The following OSBPL10 variants were observed in gnomAD, a reference collection of about 807,000 sequenced individuals.
The protein encoded by OSBPL10 is oxysterol-binding protein-related protein 10.
A neutral mutation model predicts 81.7 loss-of-function variants in OSBPL10; 49 were observed. The ratio of observed to expected loss-of-function variants is 0.60; its 90% confidence interval spans 0.48 to 0.76. OSBPL10 has a LOEUF of 0.76. Among genes scored for constraint, OSBPL10 ranks in the 30% least tolerant of loss-of-function variants. The pLI is 0.00. For synonymous variants in OSBPL10, 419 were observed against 383.6 expected (o/e 1.09, Z -1.08); for missense variants, 923 against 987.8 (o/e 0.93, Z 0.88).
chr3:31,826,078 C>G (rs1700094793), intron 4 of OSBPL10, among the ~76,000 whole-genome samples: 1 of 152,112 alleles, frequency 6.6e-6, no homozygotes, highest in African/African-American at 2.4e-5. Flanking sequence ...ATAGCTTTAT[C>G]CAAATTAATT....
Position 32,048,955 on chromosome 3 carries a change from A to G in OSBPL10, n.186-2352T>C, listed in dbSNP as rs372455328. Among the ~76,000 whole-genome samples the G allele has an allele frequency of 4.6e-5, 7 of 152,330 alleles. 1 individual carries two copies. Among genetic ancestry groups the G allele is most frequent in the African/African-American group, 1.7e-4 (7 of 41,578 alleles). The stretch of plus-strand genomic sequence containing the variant: ...CATTATACACTAATTAGAAAACATT[A>G]GCATGCTAAAAGACACTCCTACCAG... On this transcript the variant is annotated intron_variant and non_coding_transcript_variant, in intron 1 of 3. Coordinates refer to the OSBPL10 transcript ENST00000479173.
intron 1 of OSBPL10, among the ~76,000 whole-genome samples, chr3:31,911,916 T>G (rs1187587030): frequency 6.6e-6 from 1 of 152,004 alleles, no homozygotes; most frequent in Non-Finnish European, 1.5e-5. Flanking sequence ...TGCTGGAAGG[T>G]CAGGCCCCAA....
In OSBPL10 at chr3:31,674,510, TG is replaced by T. The variant is rs148002753; in HGVS notation, c.1727-3528del. Among the ~76,000 whole-genome samples, 1,069 of 152,198 alleles carry T rather than the reference TG, an allele frequency of 7.0e-3. 13 individuals are homozygous for T. Among genetic ancestry groups the T allele is most frequent in the African/African-American group, 0.025 (1,023 of 41,510 alleles). On this transcript the variant is annotated intron_variant, in intron 8 of 11. Coordinates refer to ENST00000396556, the MANE Select transcript of OSBPL10 (RefSeq NM_017784.5). ...GGGAGGTCGAGGCTGCAGTGAGCCA[TG>T]GTCACGTCACTGCACTCCAGCCTGG... is the stretch of plus-strand genomic sequence containing the variant.
At chr3:31,702,620 C>T (rs41285085) in intron 6 of OSBPL10, 112 bp from the exon 7 acceptor site, 19,910 of 1,432,836 alleles carry the variant, frequency 0.014, 185 homozygotes, top group Non-Finnish European at 0.015. Context: ...CTGTCCCGGG[C>T]AGAGCTCCTC....
At chr3:31,941,172 A>G (rs2125424028) in intron 1 of OSBPL10, among the ~76,000 whole-genome samples, 1 of 152,332 alleles carries the variant, frequency 6.6e-6, no homozygotes, top group South Asian at 2.1e-4. Flanking sequence ...ATAACTTTGA[A>G]AGAATAAAAG....
chr3:31,831,714 G>GTACT (rs1700246193), intron 3 of OSBPL10, among the ~76,000 whole-genome samples: 1 of 152,070 alleles, frequency 6.6e-6, no homozygotes, highest in African/African-American at 2.4e-5. Flanking sequence ...CATCAGATTG[G>GTACT]CAAAAATTCA....
Position 31,999,739 on chromosome 3 carries a change from C to A in OSBPL10, n.298+46752G>T, listed in dbSNP as rs997553953. Among the ~76,000 whole-genome samples, 9 of 152,098 alleles carry A rather than the reference C, an allele frequency of 5.9e-5. No individual in the cohort carries two copies. In the South Asian group the frequency reaches 1.2e-3, roughly 21 times the overall value. On this transcript the variant is annotated intron_variant and non_coding_transcript_variant, in intron 2 of 3. Transcript: ENST00000479173. ...AGAAAATATGGCTGCCTCTGCTATG[C>A]CCAGATGTCAGGGATCACCTTTTCC...
intron 1 of OSBPL10, among the ~76,000 whole-genome samples, chr3:32,055,512 G>A (rs546571107): frequency 6.6e-6 from 1 of 152,202 alleles, no homozygotes; most frequent in South Asian, 2.1e-4. Flanking sequence ...TTTTAGTAAA[G>A]TATACTCCTA....
At chr3:31,839,535 A>C (rs1056691574) in intron 3 of OSBPL10, among the ~76,000 whole-genome samples, 14 of 151,252 alleles carry the variant, frequency 9.3e-5, no homozygotes, top group African/African-American at 3.1e-4. Flanking sequence ...AAACTTGAGG[A>C]GGCTTTCCAA....
Position 31,828,812 on chromosome 3 carries a change from C to A in OSBPL10, c.729+1228G>T, listed in dbSNP as rs191426466. Reference sequence around the variant, plus strand: ...CCTCCCAAAGTGCTGGGATTACAGGCATGGGCCACCAGGCCCGGCCCAGTT... The same window carrying A: ...CCTCCCAAAGTGCTGGGATTACAGGAATGGGCCACCAGGCCCGGCCCAGTT... On this transcript the variant is annotated intron_variant, in intron 4 of 11. Coordinates refer to ENST00000396556, the MANE Select transcript of OSBPL10 (RefSeq NM_017784.5). Among the ~76,000 whole-genome samples, 250 of 152,336 alleles carry A rather than the reference C, an allele frequency of 1.6e-3. 1 individual carries two copies. The highest frequency in any genetic ancestry group is 5.8e-3 in the African/African-American group (243 of 41,592).
intron 6 of OSBPL10, 45 bp downstream of exon 6, chr3:31,733,212 G>A (rs79996076): frequency 0.02 from 32,151 of 1,592,456 alleles, 469 homozygotes; most frequent in South Asian, 0.051. Context: ...TTCTGAACAA[G>A]CGATAACACA....
At chr3:31,909,732 G>A (rs892575430) in intron 1 of OSBPL10, among the ~76,000 whole-genome samples, 1 of 152,060 alleles carries the variant, frequency 6.6e-6, no homozygotes, top group African/African-American at 2.4e-5. Context: ...TTTCTTTCCA[G>A]GGCCGTTCTT....
chr3:31,890,918 T>C (rs1164343254), intron 1 of OSBPL10, among the ~76,000 whole-genome samples: 3 of 152,116 alleles, frequency 2.0e-5, no homozygotes, highest in Non-Finnish European at 4.4e-5. Flanking sequence ...ACACCCATCC[T>C]GAAAGTCACG....
intron 1 of OSBPL10, among the ~76,000 whole-genome samples, chr3:31,917,800 A>C (rs2125701954): frequency 6.6e-6 from 1 of 151,306 alleles, no homozygotes; most frequent in East Asian, 1.9e-4. Flanking sequence ...CTGCTGAAGT[A>C]TGAGGCTGAC....
intron 2 of OSBPL10, chr3:31,989,451 T>G (rs763548281): frequency 1.5e-5 from 25 of 1,614,182 alleles, no homozygotes; most frequent in Non-Finnish European, 2.1e-5. Context: ...GAAATAGCCA[T>G]GAAGCAACTA....
chr3:31,877,289 G>C (rs147834598), intron 2 of OSBPL10, among the ~76,000 whole-genome samples: 1,794 of 152,176 alleles, frequency 0.012, 40 homozygotes, highest in African/African-American at 0.04. Context: ...GCATTCAGTT[G>C]AATTACCATT....
intron 2 of OSBPL10, among the ~76,000 whole-genome samples, chr3:32,015,008 T>C (rs190576575): frequency 4.6e-5 from 7 of 152,248 alleles, no homozygotes; most frequent in Admixed American, 4.6e-4. Context: ...ATCGTGAAAA[T>C]GGCCATACTG....
At chr3:31,898,298 A>G (rs1316561529) in intron 1 of OSBPL10, among the ~76,000 whole-genome samples, 1 of 152,230 alleles carries the variant, frequency 6.6e-6, no homozygotes, top group African/African-American at 2.4e-5. Flanking sequence ...ACAAAAAAAG[A>G]TAAGTGAGGT....
chr3:31,711,730 G>C (rs1222027661), intron 6 of OSBPL10, among the ~76,000 whole-genome samples: 2 of 152,128 alleles, frequency 1.3e-5, no homozygotes. Flanking sequence ...AAAGGGTCCA[G>C]GGCTTGTTTT....
Sources: allele counts gnomAD v4.1 joint callset (sites outside exome capture counted in the v4.1 genomes callset), GRCh38; gene constraint gnomAD v4.1.1; transcripts MANE v1.5; gene names NCBI Gene and HGNC (gene_info 2026-07-23, HGNC 2026-07-21).